LHFPL7: variants seen among roughly 807,000 people sequenced by gnomAD.
The protein encoded by LHFPL7 is LHFPL tetraspan subfamily member 7 protein.
chr22:24,945,055 G>A, the LHFPL7 span, among the ~76,000 whole-genome samples: 1 of 151,954 alleles, frequency 6.6e-6, no homozygotes, highest in African/African-American at 2.4e-5. Context: ...TGATCTGCCC[G>A]CCTTGGCCTC....
the LHFPL7 span, chr22:24,935,721 T>G: frequency 2.3e-6 from 3 of 1,287,898 alleles, no homozygotes; most frequent in African/African-American, 4.5e-5. Flanking sequence ...TTCATTTGCT[T>G]ATTTATTGGC....
At chr22:24,941,453 T>C in the LHFPL7 span, among the ~76,000 whole-genome samples, 1 of 152,126 alleles carries the variant, frequency 6.6e-6, no homozygotes, top group Non-Finnish European at 1.5e-5. Context: ...TTGGGTTCCC[T>C]TGAAGCAGAT....
At chr22:24,940,713 C>CT in the LHFPL7 span, among the ~76,000 whole-genome samples, 6 of 4,842 alleles carry the variant, frequency 1.2e-3, no homozygotes, top group South Asian at 0.02. Flanking sequence ...CCCTCCTTCC[C>CT]TTTCTTTCCT....
chr22:24,942,139 C>T, the LHFPL7 span, among the ~76,000 whole-genome samples: 16 of 151,858 alleles, frequency 1.1e-4, no homozygotes, highest in Admixed American at 9.8e-4. Flanking sequence ...GGGACATAGG[C>T]GCCCGCCACC....
At chr22:24,944,460 G>A in the LHFPL7 span, among the ~76,000 whole-genome samples, 2 of 152,160 alleles carry the variant, frequency 1.3e-5, no homozygotes, top group Admixed American at 6.5e-5. Context: ...GCAGAGTGGG[G>A]AGCAGGTGCA....
the LHFPL7 span, among the ~76,000 whole-genome samples, chr22:24,941,543 C>T: frequency 6.6e-6 from 1 of 150,814 alleles, no homozygotes; most frequent in East Asian, 1.9e-4. Context: ...CACAAATATT[C>T]AGTCCATAGC....
chr22:24,941,283 C>T, the LHFPL7 span, among the ~76,000 whole-genome samples: 18 of 152,186 alleles, frequency 1.2e-4, no homozygotes, highest in African/African-American at 4.3e-4. Context: ...GTTCCCCTGC[C>T]TCAGCCTCCC....
chr22:24,942,070 A>T, the LHFPL7 span, among the ~76,000 whole-genome samples: 5 of 151,796 alleles, frequency 3.3e-5, no homozygotes, highest in African/African-American at 9.7e-5. Flanking sequence ...ATCTCCATTC[A>T]CTGCAAGCTC....
At chr22:24,936,048 CCCTAA>C in the LHFPL7 span, among the ~76,000 whole-genome samples, 4 of 152,036 alleles carry the variant, frequency 2.6e-5, no homozygotes, top group Non-Finnish European at 5.9e-5. Context: ...TTTTGCAATT[CCCTAA>C]CCCACCCATC....
the LHFPL7 span, among the ~76,000 whole-genome samples, chr22:24,940,267 G>A: frequency 2.7e-5 from 4 of 148,630 alleles, no homozygotes; most frequent in Non-Finnish European, 5.9e-5. Context: ...GTTCTAAAGG[G>A]CTGCTTCTAC....
chr22:24,935,289 A>G, the LHFPL7 span: 15 of 1,570,784 alleles, frequency 9.5e-6, no homozygotes, highest in South Asian at 9.2e-5. Context: ...TGATGATTTC[A>G]TAAAACTCTG....
At chr22:24,938,039 C>G in the LHFPL7 span, 1 of 1,478,296 alleles carries the variant, frequency 6.8e-7, no homozygotes, top group South Asian at 1.4e-5. Flanking sequence ...TCTCTGAGGT[C>G]TGACCCGAGA....
the LHFPL7 span, among the ~76,000 whole-genome samples, chr22:24,938,451 C>T: frequency 3.3e-5 from 5 of 152,216 alleles, no homozygotes; most frequent in Non-Finnish European, 5.9e-5. Context: ...TCTGAGTCCT[C>T]GCAGCATGTG....
At chr22:24,939,538 G>C in the LHFPL7 span, 4 of 702,726 alleles carry the variant, frequency 5.7e-6, no homozygotes, top group African/African-American at 7.0e-5. Context: ...CTCAACATTA[G>C]GCAGTATCGC....
chr22:24,935,938 C>T, the LHFPL7 span, among the ~76,000 whole-genome samples: 1 of 152,152 alleles, frequency 6.6e-6, no homozygotes, highest in South Asian at 2.1e-4. Context: ...CCACCCTCAT[C>T]TTCCATTCAT....
chr22:24,935,326 G>T, the LHFPL7 span: 1 of 1,610,230 alleles, frequency 6.2e-7, no homozygotes, highest in Non-Finnish European at 8.5e-7. Flanking sequence ...CTACTCCCAG[G>T]AGATTTTTAT....
At chr22:24,936,331 T>TGGA in the LHFPL7 span, among the ~76,000 whole-genome samples, 2 of 152,082 alleles carry the variant, frequency 1.3e-5, no homozygotes, top group Non-Finnish European at 2.9e-5. Context: ...CTATCAATTT[T>TGGA]TCCTATCCTT....
chr22:24,938,024 G>C, the LHFPL7 span: 1 of 1,398,584 alleles, frequency 7.2e-7, no homozygotes, highest in Admixed American at 2.4e-5. Flanking sequence ...CAATCCTAGG[G>C]TTTATCTCTG....
chr22:24,945,054 C>T, the LHFPL7 span, among the ~76,000 whole-genome samples: 5 of 152,104 alleles, frequency 3.3e-5, no homozygotes, highest in South Asian at 4.2e-4. Flanking sequence ...GTGATCTGCC[C>T]GCCTTGGCCT....
Sources: gnomAD v4.1 joint callset for allele counts (sites outside exome capture counted in the v4.1 genomes callset) on GRCh38, gnomAD v4.1.1 for gene constraint, MANE v1.5 for transcripts, NCBI Gene and HGNC (gene_info 2026-07-23, HGNC 2026-07-21) for gene names.